Variants in MALRD1 observed in about 807,000 individuals in gnomAD.
The protein encoded by MALRD1 is MAM and LDL-receptor class A domain-containing protein 1.
A neutral mutation model predicts 242.1 loss-of-function variants in MALRD1; 247 were observed. The observed-to-expected ratio is 1.02, with a 90% CI of 0.92 to 1.13. The LOEUF (loss-of-function observed/expected upper bound fraction) is 1.13, where lower values mean the gene tolerates loss of function less well. Ranked by LOEUF, MALRD1 falls within the 50% of genes most tolerant of loss-of-function variation. The probability of loss-of-function intolerance (pLI) is 0.00; values close to 1 mark genes in which losing one functional copy is unlikely to be tolerated. For missense variants in MALRD1, 2,989 were observed against 2,533.1 expected, an observed-to-expected ratio of 1.18 and a Z score of -3.86; for synonymous variants, 995 against 866.6, an observed-to-expected ratio of 1.15 and a Z score of -2.60.
At chr10:19,393,658 A>G (rs531933050) in intron 28 of MALRD1, among the ~76,000 whole-genome samples, 326 of 145,990 alleles carry the variant, frequency 2.2e-3, no homozygotes, top group African/African-American at 7.1e-3. Context: ...GAGTTTCACC[A>G]TGTTAGCCAG....
At chr10:19,163,537 G>T (rs891885135) in intron 12 of MALRD1, among the ~76,000 whole-genome samples, 7 of 151,996 alleles carry the variant, frequency 4.6e-5, no homozygotes, top group Non-Finnish European at 8.8e-5. Context: ...GAGCAGAAAA[G>T]ATAACTATTG....
At chr10:19,571,250 A>G (rs1406054028) in intron 33 of MALRD1, among the ~76,000 whole-genome samples, 2 of 152,122 alleles carry the variant, frequency 1.3e-5, no homozygotes, top group African/African-American at 4.8e-5. Flanking sequence ...TCTGGAGCAA[A>G]TGTTTATCCT....
chr10:19,283,162 C>T lies in MALRD1; in HGVS notation c.3400C>T (p.Pro1134Ser), dbSNP rs759545843. The change falls in exon 21 of 40, where the codon CCA becomes TCA. Residue 1134 changes from proline (P) to serine (S), a missense_variant. Transcript: ENST00000454679. Reference protein sequence around the residue: ...SIHHGEENHRPSVDHTQNTTD... With the variant: ...SIHHGEENHRSSVDHTQNTTD... ...TCATCATGGGGAAGAAAACCACAGGCCATCAGTGGATCATACACAGTAAGT... is the reference window on the plus strand; with the variant it reads ...TCATCATGGGGAAGAAAACCACAGGTCATCAGTGGATCATACACAGTAAGT... 6 of 1,547,208 alleles carry T rather than the reference C, an allele frequency of 3.9e-6. No homozygotes were observed. The highest frequency in any genetic ancestry group is 2.4e-5 in the South Asian group (2 of 83,742).
intron 28 of MALRD1, among the ~76,000 whole-genome samples, chr10:19,407,307 A>C (rs1299539563): frequency 6.6e-6 from 1 of 151,954 alleles, no homozygotes; most frequent in African/African-American, 2.4e-5. Context: ...CTATCACTAC[A>C]AAAAAATAAC....
At chr10:19,473,495 C>T (rs1836592869) in intron 29 of MALRD1, among the ~76,000 whole-genome samples, 1 of 150,152 alleles carries the variant, frequency 6.7e-6, no homozygotes, top group Admixed American at 6.6e-5. Context: ...CTTCCCCAGC[C>T]CCTGATGTCT....
intron 30 of MALRD1, among the ~76,000 whole-genome samples, chr10:19,498,074 A>G (rs1837800916): frequency 6.6e-6 from 1 of 152,220 alleles, no homozygotes; most frequent in Admixed American, 6.5e-5. Context: ...CCTTTTCTTG[A>G]GTAAATGACT....
intron 29 of MALRD1, among the ~76,000 whole-genome samples, chr10:19,464,619 T>G (rs1461131992): frequency 2.6e-5 from 4 of 152,206 alleles, no homozygotes; most frequent in Admixed American, 2.6e-4. Flanking sequence ...TATGGCCATA[T>G]AGTAAAGTTT....
At chr10:19,078,254 A>G (rs1384809914) in intron 2 of MALRD1, among the ~76,000 whole-genome samples, 1 of 151,704 alleles carries the variant, frequency 6.6e-6, no homozygotes, top group Non-Finnish European at 1.5e-5. Flanking sequence ...GCACCCATTC[A>G]CTTTTATTAT....
intron 24 of MALRD1, among the ~76,000 whole-genome samples, chr10:19,347,142 G>T (rs1450537989): frequency 6.6e-6 from 1 of 152,064 alleles, no homozygotes; most frequent in Non-Finnish European, 1.5e-5. Context: ...AATTACTACT[G>T]TCATGGAAAT....
At chr10:19,335,118 C>G (rs1843547410) in intron 24 of MALRD1, among the ~76,000 whole-genome samples, 1 of 151,354 alleles carries the variant, frequency 6.6e-6, no homozygotes, top group Admixed American at 6.6e-5. Context: ...TAATCATGAA[C>G]CTTTGGAGGA....
intron 33 of MALRD1, among the ~76,000 whole-genome samples, chr10:19,587,752 A>C (rs1837512160): frequency 6.6e-6 from 1 of 152,086 alleles, no homozygotes; most frequent in African/African-American, 2.4e-5. Context: ...AATCAGAGAG[A>C]TGTCTTGGTT....
intron 5 of MALRD1, among the ~76,000 whole-genome samples, chr10:19,115,790 C>T (rs1243820291): frequency 2.0e-5 from 3 of 152,012 alleles, no homozygotes; most frequent in South Asian, 2.1e-4. Flanking sequence ...ACGGGAGAAT[C>T]GCTTGAACCC....
chr10:19,284,521 G>C (rs1302705241), intron 21 of MALRD1, among the ~76,000 whole-genome samples: 4 of 150,198 alleles, frequency 2.7e-5, no homozygotes, highest in Admixed American at 1.3e-4. Context: ...TTGTTCTTGC[G>C]ATAGTTTACT....
intron 34 of MALRD1, among the ~76,000 whole-genome samples, chr10:19,598,999 T>C (rs1159512246): frequency 6.6e-6 from 1 of 151,254 alleles, no homozygotes; most frequent in East Asian, 1.9e-4. Context: ...GCCAAAAAAG[T>C]GGTTTTTGGG....
At chr10:19,501,580 T>A (rs936694895) in intron 31 of MALRD1, among the ~76,000 whole-genome samples, 2 of 152,214 alleles carry the variant, frequency 1.3e-5, no homozygotes, top group African/African-American at 4.8e-5. Context: ...CAACAACTAG[T>A]ACCCCCTTAT....
intron 12 of MALRD1, among the ~76,000 whole-genome samples, chr10:19,157,981 G>A (rs1188038769): frequency 1.3e-5 from 2 of 152,164 alleles, no homozygotes; most frequent in Non-Finnish European, 2.9e-5. Context: ...CATTGTTCAA[G>A]ATGCAGACTT....
chr10:19,700,401 A>G (rs1833571083), intron 38 of MALRD1, among the ~76,000 whole-genome samples: 1 of 152,216 alleles, frequency 6.6e-6, no homozygotes, highest in Non-Finnish European at 1.5e-5. Flanking sequence ...ACAACTTTAA[A>G]GGGGACTGGA....
chr10:19,384,617 T>A (rs1845995860), intron 26 of MALRD1, among the ~76,000 whole-genome samples: 1 of 130,540 alleles, frequency 7.7e-6, no homozygotes, highest in African/African-American at 2.9e-5. Flanking sequence ...ATATATAATA[T>A]AATATTTACT....
In MALRD1 at chr10:19,692,330, T is replaced by G. The variant is rs1833110404; in HGVS notation, c.6186T>G (p.Pro2062=). ...ATCGATGCCATATCAAGTTTAATCC[T>G]CCTGCTACAGACTTCACATACGCTC... ...KGNRCHIKFN[P]PATDFTYAQN... Residue 2062 remains proline (P), a synonymous_variant, in exon 37 of 40, where the codon CCT becomes CCG. Coordinates refer to ENST00000454679, the MANE Select transcript of MALRD1 (RefSeq NM_001142308.3). 1.3e-6 allele frequency: 2 copies of G among 1,535,408 alleles called. No homozygotes were observed. Among genetic ancestry groups the G allele is most frequent in the African/African-American group, 2.7e-5 (2 of 73,026 alleles).
Sources: gnomAD v4.1 joint callset for allele counts (sites outside exome capture counted in the v4.1 genomes callset) on GRCh38, gnomAD v4.1.1 for gene constraint, MANE v1.5 for transcripts, NCBI Gene and HGNC (gene_info 2026-07-23, HGNC 2026-07-21) for gene names.